UNC13C: variants seen among roughly 807,000 people sequenced by gnomAD.
The protein encoded by UNC13C is unc-13 homolog C.
In UNC13C, 174 loss-of-function variants were observed where a neutral mutation model predicts 245.4. That is an observed-to-expected ratio of 0.71 (90% CI 0.63 to 0.80). The LOEUF (loss-of-function observed/expected upper bound fraction) is 0.80. UNC13C is among the 30% of genes least tolerant of loss of function. The pLI is 0.00. For missense variants in UNC13C, 2,829 were observed against 2,602.9 expected, an observed-to-expected ratio of 1.09 and a Z score of -1.89; for synonymous variants, 992 against 895.1, an observed-to-expected ratio of 1.11 and a Z score of -1.93.
At chr15:54,122,723 G>T (rs28862578) in intron 2 of UNC13C, among the ~76,000 whole-genome samples, 1,537 of 152,148 alleles carry the variant, frequency 0.01, 34 homozygotes, top group African/African-American at 0.036. Flanking sequence ...ATGGAATAAT[G>T]CAGTGTGTAC....
intron 30 of UNC13C, chr15:54,611,562 C>G (rs1321035984): frequency 2.0e-5 from 3 of 152,096 alleles, no homozygotes; most frequent in Non-Finnish European, 2.9e-5. Context: ...TCTGGAGGAA[C>G]TTTTAAGAAT....
chr15:54,591,482 T>C (rs545488693), intron 30 of UNC13C, among the ~76,000 whole-genome samples: 98 of 152,302 alleles, frequency 6.4e-4, no homozygotes, highest in African/African-American at 2.3e-3. Context: ...TATTAGTCTG[T>C]TCAGGGTATC....
chr15:54,491,991 C>CA (rs111666689), intron 19 of UNC13C, among the ~76,000 whole-genome samples: 25,005 of 133,924 alleles, frequency 0.19, 2,396 homozygotes, highest in Middle Eastern at 0.24. Flanking sequence ...GACTCCATCT[C>CA]AAAAAAAAAA....
At chr15:54,386,603 C>G (rs537325828) in intron 17 of UNC13C, among the ~76,000 whole-genome samples, 1 of 152,282 alleles carries the variant, frequency 6.6e-6, no homozygotes, top group African/African-American at 2.4e-5. Flanking sequence ...CCTTACCATT[C>G]CAGGTCAGTT....
In UNC13C at chr15:54,626,956, G is replaced by T; in HGVS notation, c.6488G>T (p.Gly2163Val). 1 of 1,613,496 alleles carries T rather than the reference G, an allele frequency of 6.2e-7. No homozygotes were observed. The highest frequency in any genetic ancestry group is 1.7e-5 in the Admixed American group (1 of 59,914). ...VIQLQNIAEK[G>V]SYGAWYPLLK... ...CAGCTACAGAACATAGCAGAAAAGGGAAGCTATGGGGCATGGTATCCTCTT... is the reference window on the plus strand; with the variant it reads ...CAGCTACAGAACATAGCAGAAAAGGTAAGCTATGGGGCATGGTATCCTCTT... The change falls in exon 33 of 33, where the codon GGA (glycine) becomes GTA (valine). Residue 2163 changes from glycine (G) to valine (V), a missense_variant. Physicochemically the swap from Gly to Val is moderately radical, Grantham distance 109. Transcript: ENST00000260323.
chr15:54,179,347 G>T (rs1268685932), intron 4 of UNC13C, among the ~76,000 whole-genome samples: 1 of 152,088 alleles, frequency 6.6e-6, no homozygotes, highest in African/African-American at 2.4e-5. Flanking sequence ...TGTATCTACA[G>T]ACTGTAAAAT....
At chr15:54,091,444 T>A (rs1430970315) in intron 2 of UNC13C, among the ~76,000 whole-genome samples, 4 of 152,222 alleles carry the variant, frequency 2.6e-5, no homozygotes, top group South Asian at 2.1e-4. Context: ...TGCTTTAAAT[T>A]CCTGTGTTGA....
intron 19 of UNC13C, among the ~76,000 whole-genome samples, chr15:54,467,845 T>C (rs896410178): frequency 3.3e-5 from 5 of 151,730 alleles, no homozygotes; most frequent in African/African-American, 9.7e-5. Flanking sequence ...TTCCCATGTT[T>C]TTAAATCCAT....
chr15:54,168,454 C>T (rs754635802), intron 4 of UNC13C, among the ~76,000 whole-genome samples: 1 of 152,088 alleles, frequency 6.6e-6, no homozygotes, highest in Non-Finnish European at 1.5e-5. Context: ...ATTGGGATCT[C>T]GCTCATTTTT....
chr15:54,029,150 G>A (rs1036964380), intron 2 of UNC13C, among the ~76,000 whole-genome samples: 3 of 152,174 alleles, frequency 2.0e-5, no homozygotes, highest in African/African-American at 7.2e-5. Flanking sequence ...AAGACTCTGG[G>A]CACAGACAGC....
At chr15:54,365,779 G>T (rs2039351299) in intron 17 of UNC13C, among the ~76,000 whole-genome samples, 1 of 150,766 alleles carries the variant, frequency 6.6e-6, no homozygotes, top group Admixed American at 6.6e-5. Flanking sequence ...AAAAAAACTT[G>T]ACCCAAGAGA....
intron 19 of UNC13C, among the ~76,000 whole-genome samples, chr15:54,430,042 A>G (rs1020437487): frequency 2.0e-5 from 3 of 151,672 alleles, no homozygotes; most frequent in Admixed American, 6.6e-5. Flanking sequence ...TGTTTGTATA[A>G]CTATCGCTTA....
intron 18 of UNC13C, among the ~76,000 whole-genome samples, chr15:54,411,381 C>T (rs781464075): frequency 1.3e-5 from 2 of 152,224 alleles, no homozygotes; most frequent in East Asian, 1.9e-4. Flanking sequence ...TATGGGTTTA[C>T]ACCTTTGTGT....
At chr15:54,533,651 A>T (rs1458258246) in intron 26 of UNC13C, among the ~76,000 whole-genome samples, 2 of 152,220 alleles carry the variant, frequency 1.3e-5, no homozygotes, top group South Asian at 2.1e-4. Context: ...GTGGGAGTGC[A>T]TGGGAATGCA....
intron 4 of UNC13C, among the ~76,000 whole-genome samples, chr15:54,150,826 T>G (rs59921827): frequency 0.36 from 55,167 of 152,066 alleles, 11,292 homozygotes; most frequent in Non-Finnish European, 0.47. Flanking sequence ...AAGATAAAAT[T>G]TACTATCTAT....
At chr15:54,618,477 A>T (rs1489717451) in intron 30 of UNC13C, among the ~76,000 whole-genome samples, 1 of 152,210 alleles carries the variant, frequency 6.6e-6, no homozygotes, top group Non-Finnish European at 1.5e-5. Flanking sequence ...AATAAAGAAT[A>T]TGATGTTAGA....
At chr15:54,251,340 T>C (rs1280464637) in intron 8 of UNC13C, among the ~76,000 whole-genome samples, 1 of 152,148 alleles carries the variant, frequency 6.6e-6, no homozygotes, top group Admixed American at 6.5e-5. Flanking sequence ...AGGCTTTATT[T>C]TTCTCCACTC....
intron 30 of UNC13C, among the ~76,000 whole-genome samples, chr15:54,590,042 C>T (rs539414039): frequency 3.0e-4 from 45 of 152,208 alleles, no homozygotes; most frequent in Non-Finnish European, 3.5e-4. Flanking sequence ...TTCTTGCAAA[C>T]GGTGTCCTTT....
chr15:54,226,204 C>T (rs1173616898), intron 4 of UNC13C, among the ~76,000 whole-genome samples: 2 of 152,106 alleles, frequency 1.3e-5, no homozygotes, highest in Non-Finnish European at 2.9e-5. Flanking sequence ...GATTCAGTGC[C>T]AGCATTTTAT....
Sources: allele counts gnomAD v4.1 joint callset (sites outside exome capture counted in the v4.1 genomes callset), GRCh38; gene constraint gnomAD v4.1.1; transcripts MANE v1.5; gene names NCBI Gene and HGNC (gene_info 2026-07-23, HGNC 2026-07-21).